The following CNOT6L variants were observed in gnomAD, a reference collection of about 807,000 sequenced individuals.
CNOT6L encodes CCR4-NOT transcription complex subunit 6-like.
A neutral mutation model predicts 64.0 loss-of-function variants in CNOT6L; 7 were observed. That is an observed-to-expected ratio of 0.11 (90% CI 0.06 to 0.21). The LOEUF (loss-of-function observed/expected upper bound fraction) is 0.21, where lower values mean the gene tolerates loss of function less well. Ranked by LOEUF, CNOT6L falls within the 10% of genes least tolerant of loss-of-function variation. The pLI is 1.00. For missense variants in CNOT6L, 245 were observed against 669.0 expected, an observed-to-expected ratio of 0.37 and a Z score of 6.99; for synonymous variants, 193 against 243.4, an observed-to-expected ratio of 0.79 and a Z score of 1.93.
chr4:77,774,039 G>T (rs543243523), intron 3 of CNOT6L, among the ~76,000 whole-genome samples: 2 of 152,222 alleles, frequency 1.3e-5, no homozygotes, highest in South Asian at 2.1e-4. Flanking sequence ...ATTTAGATAA[G>T]ATCTTAAGAT....
At position 77,796,117 on chromosome 4, in the gene CNOT6L, T is replaced by C. The variant is rs60601621; in HGVS notation, c.6-19725A>G. ...GATGGCATCACCCAGGTAGTAAGCA[T>C]AATATCTAATAGGTAGTTGTTCAGC... On this transcript the variant is annotated intron_variant, in intron 1 of 11. Transcript: ENST00000504123. Among the ~76,000 whole-genome samples, 269 of 152,292 alleles carry C rather than the reference T, an allele frequency of 1.8e-3. 2 individuals carry two copies. The highest frequency in any genetic ancestry group is 5.4e-3 in the African/African-American group (225 of 41,574).
intron 8 of CNOT6L, among the ~76,000 whole-genome samples, chr4:77,732,918 G>A (rs1377099127): frequency 6.6e-6 from 1 of 152,042 alleles, no homozygotes; most frequent in Non-Finnish European, 1.5e-5. Context: ...CTCAATTAAA[G>A]AACTGATAAC....
chr4:77,744,046 T>A (rs1425087446), intron 7 of CNOT6L, among the ~76,000 whole-genome samples: 1 of 152,200 alleles, frequency 6.6e-6, no homozygotes, highest in African/African-American at 2.4e-5. Flanking sequence ...TACAATTATT[T>A]GTCAATTAAA....
At chr4:77,788,735 TAATAATA>T (rs1366582174) in intron 1 of CNOT6L, among the ~76,000 whole-genome samples, 1 of 151,286 alleles carries the variant, frequency 6.6e-6, no homozygotes, top group African/African-American at 2.4e-5. Flanking sequence ...CTCAAAAAAG[TAATAATA>T]AATAATAATA....
At chr4:77,804,658 A>T (rs1402685983) in intron 1 of CNOT6L, among the ~76,000 whole-genome samples, 3 of 152,182 alleles carry the variant, frequency 2.0e-5, no homozygotes, top group African/African-American at 7.2e-5. Flanking sequence ...TGGGTGATGG[A>T]AATGTTCTGG....
intron 8 of CNOT6L, among the ~76,000 whole-genome samples, chr4:77,732,225 ATT>A (rs1166598491): frequency 6.6e-6 from 1 of 152,034 alleles, no homozygotes; most frequent in Non-Finnish European, 1.5e-5. Context: ...TGCACTAATA[ATT>A]TTTTCTTTCC....
intron 8 of CNOT6L, among the ~76,000 whole-genome samples, chr4:77,737,558 T>A (rs1181473252): frequency 6.6e-6 from 1 of 151,602 alleles, no homozygotes; most frequent in East Asian, 1.9e-4. Flanking sequence ...GTAGCTGGGA[T>A]TACAGGCGCC....
chr4:77,767,559 T>C (rs978007223), intron 4 of CNOT6L, among the ~76,000 whole-genome samples: 3 of 151,882 alleles, frequency 2.0e-5, no homozygotes, highest in African/African-American at 7.3e-5. Flanking sequence ...ACAAGAGAAG[T>C]GACTTTACTG....
rs139523427 is a variant in CNOT6L, at chr4:77,745,905, A to AT, written c.560-1031dup. ...TTCTGTTTCAGATGATGGAAAAGGT[A>AT]TTAAGAGAAACTCAGTTCAGTCCCC... On this transcript the variant is annotated intron_variant, in intron 6 of 11. Transcript: ENST00000504123. Among the ~76,000 whole-genome samples the AT allele has an allele frequency of 7.2e-5, 11 of 152,320 alleles. No homozygotes were observed. In the East Asian group the frequency reaches 2.1e-3, roughly 29 times the overall value.
At chr4:77,788,036 T>C (rs1729649464) in intron 1 of CNOT6L, among the ~76,000 whole-genome samples, 2 of 152,202 alleles carry the variant, frequency 1.3e-5, no homozygotes, top group South Asian at 4.1e-4. Flanking sequence ...AAATCTACTT[T>C]CTTTGACCAA....
intron 1 of CNOT6L, among the ~76,000 whole-genome samples, chr4:77,796,878 C>G (rs985889105): frequency 6.6e-6 from 1 of 151,890 alleles, no homozygotes; most frequent in African/African-American, 2.4e-5. Flanking sequence ...CTCAGGAGTT[C>G]GAGACCAGCC....
chr4:77,767,980 CAAA>C (rs11455356), intron 4 of CNOT6L, among the ~76,000 whole-genome samples: 2 of 87,126 alleles, frequency 2.3e-5, no homozygotes, highest in Non-Finnish European at 4.5e-5. Flanking sequence ...ACTTTGTCCC[CAAA>C]AAAAAAAAAA....
At position 77,719,480 on chromosome 4, in the gene CNOT6L, C is replaced by G. The variant is rs993469347; in HGVS notation, c.*951G>C. ...GATTTTCCCCATCTGAAACTTTGAT[C>G]AAGGCCTTTTTATTCAGCAGACTTT... On this transcript the variant is annotated 3_prime_UTR_variant, in exon 12 of 12. Transcript: ENST00000504123. 5 of 152,530 alleles carry G rather than the reference C, an allele frequency of 3.3e-5. No homozygotes were observed. The highest frequency in any genetic ancestry group is 7.4e-5 in the Non-Finnish European group (5 of 68,018). 9.4% of individuals were successfully genotyped at this position (152,530 alleles called of 1,614,324 possible).
rs1720465657 is a variant in CNOT6L at position 77,714,054 on chromosome 4, A to G, written c.*6377T>C. The G allele has an allele frequency of 1.3e-5, 2 of 152,588 alleles. No individual in the cohort carries two copies. Among genetic ancestry groups the G allele is most frequent in the African/African-American group, 4.8e-5 (2 of 41,442 alleles). The allele number at this position is 152,588 out of a possible 1,614,324, so 9.5% of individuals were successfully genotyped here. On this transcript the variant is annotated 3_prime_UTR_variant, in exon 12 of 12. Transcript: ENST00000504123. ...TAAATATACAACCTAAAACAGCAGA[A>G]TTTGTTTTGGAATAGTATCAATGGA...
At chr4:77,727,877 A>T (rs1237917100) in intron 10 of CNOT6L, among the ~76,000 whole-genome samples, 1 of 152,230 alleles carries the variant, frequency 6.6e-6, no homozygotes, top group Non-Finnish European at 1.5e-5. Flanking sequence ...TGCTAAGAAG[A>T]AAAAGATGTT....
chr4:77,788,858 A>G (rs977348346), intron 1 of CNOT6L, among the ~76,000 whole-genome samples: 2 of 152,000 alleles, frequency 1.3e-5, no homozygotes, highest in African/African-American at 4.8e-5. Flanking sequence ...ATATAATGCC[A>G]CTTTCAGGAA....
At position 77,773,316 on chromosome 4, in the gene CNOT6L, A is replaced by G. The variant is rs565706237; in HGVS notation, c.315-150T>C. The G allele has an allele frequency of 2.8e-5, 15 of 538,176 alleles. No homozygotes were observed. The East Asian group carries it at 5.0e-4, about 18-fold the overall frequency. The allele number at this position is 538,176 out of a possible 1,614,324, so 33.3% of individuals were successfully genotyped here. On this transcript the variant is annotated intron_variant, in intron 3 of 11. Coordinates refer to ENST00000504123, the MANE Select transcript of CNOT6L (RefSeq NM_144571.3). ...TGTGCTCATCCAAAAACATTGCACAATATAAAAGTACTACAAAATGTGCAA... is the reference window on the plus strand; with the variant it reads ...TGTGCTCATCCAAAAACATTGCACAGTATAAAAGTACTACAAAATGTGCAA...
chr4:77,769,414 A>T (rs1166811573), intron 4 of CNOT6L, among the ~76,000 whole-genome samples: 1 of 152,168 alleles, frequency 6.6e-6, no homozygotes, highest in Non-Finnish European at 1.5e-5. Flanking sequence ...CCAATCTGAT[A>T]GGTGAAAAAT....
chr4:77,785,877 C>A (rs1007180446), intron 1 of CNOT6L, among the ~76,000 whole-genome samples: 1 of 152,168 alleles, frequency 6.6e-6, no homozygotes, highest in Non-Finnish European at 1.5e-5. Flanking sequence ...TGACACTAAG[C>A]TGAATCTTAA....
Sources: allele counts gnomAD v4.1 joint callset (sites outside exome capture counted in the v4.1 genomes callset), GRCh38; gene constraint gnomAD v4.1.1; transcripts MANE v1.5; gene names NCBI Gene and HGNC (gene_info 2026-07-23, HGNC 2026-07-21).